Variants in ANPEP observed in about 807,000 individuals in gnomAD.
The protein encoded by ANPEP is aminopeptidase N.
ANPEP carries 70 observed loss-of-function variants against 114.6 expected under a neutral mutation model. The ratio of observed to expected loss-of-function variants is 0.61; its 90% CI spans 0.50 to 0.75. The LOEUF is 0.75. Among genes scored for constraint, ANPEP ranks in the 30% least tolerant of loss-of-function variants. The pLI is 0.00. For missense variants in ANPEP, 1,184 were observed against 1,259.5 expected (o/e 0.94, Z 0.91); for synonymous variants, 548 against 522.3 (o/e 1.05, Z -0.67).
At chr15:89,798,650 G>C (rs374921425) in intron 14 of ANPEP, among the ~76,000 whole-genome samples, 3 of 150,980 alleles carry the variant, frequency 2.0e-5, no homozygotes, top group East Asian at 1.9e-4. Flanking sequence ...AAAAAAAAGC[G>C]GGGGGGCATG....
intron 20 of ANPEP, 124 bp from the exon 21 acceptor site, chr15:89,785,625 T>G: frequency 1.5e-6 from 2 of 1,371,592 alleles, no homozygotes; most frequent in Non-Finnish European, 2.0e-6. Flanking sequence ...CACACCCTGT[T>G]CCAGGGATAG....
intron 1 of ANPEP, among the ~76,000 whole-genome samples, chr15:89,809,900 T>C (rs1025228992): frequency 1.8e-4 from 27 of 152,226 alleles, no homozygotes; most frequent in Non-Finnish European, 5.9e-5. Flanking sequence ...CGGGGCTTTT[T>C]CATACCTCTG....
At position 89,805,425 on chromosome 15, in the gene ANPEP, C is replaced by A; in HGVS notation, c.653G>T (p.Arg218Leu). 5 of 1,614,160 alleles carry A rather than the reference C, an allele frequency of 3.1e-6. No homozygotes were observed. Among genetic ancestry groups the A allele is most frequent in the Non-Finnish European group, 4.2e-6 (5 of 1,180,014 alleles). ...CTCATCGAAGCATGGGAAGGACTTC[C>A]GGGCATCTGCAGCCTGCATCTGTGT... ...ATTQMQAADARKSFPCFDEPA... is the reference protein window; with the variant it reads ...ATTQMQAADALKSFPCFDEPA... Residue 218 changes from arginine to leucine, a missense_variant, in exon 3 of 21, where the codon CGG becomes CTG. By Grantham distance (102) the Arg-to-Leu change is moderately radical. Transcript: ENST00000300060.
At position 89,793,096 on chromosome 15, in the gene ANPEP, A is replaced by G; in HGVS notation, c.2188T>C (p.Phe730Leu). ...NYLKKQVTPL[F>L]IHFRNNTNNW... ...TTGGTATTATTTCTGAAGTGAATGA[A>G]GAGGGGTGTGACCTGCTTCTTCAGG... Residue 730 changes from phenylalanine to leucine, a missense_variant, in exon 16 of 21, where the codon TTC becomes CTC. By Grantham distance (22) the Phe-to-Leu change is conservative. Coordinates refer to ENST00000300060, the MANE Select transcript of ANPEP (RefSeq NM_001150.3). The G allele has an allele frequency of 3.7e-6, 6 of 1,614,118 alleles. No homozygotes were observed. The highest frequency in any genetic ancestry group is 5.1e-6 in the Non-Finnish European group (6 of 1,179,992).
chr15:89,799,425 C>G lies in ANPEP; in HGVS notation c.1953+1G>C. On this transcript the variant is annotated splice_donor_variant, in intron 13 of 20. Coordinates refer to ENST00000300060, the MANE Select transcript of ANPEP (RefSeq NM_001150.3). LOFTEE classifies it high-confidence loss of function. The surrounding 1 kb of genome is among the most constrained non-coding windows in gnomAD (Gnocchi z 4.2). ...CAGGGCGAGGGGTGGCAGACACTCA[C>G]CGAGTGGTCTCTCTGCAGCTGAGTC... The G allele has an allele frequency of 6.2e-7, 1 of 1,614,174 alleles. No homozygotes were observed. Among genetic ancestry groups the G allele is most frequent in the Non-Finnish European group, 8.5e-7 (1 of 1,180,030 alleles).
Position 89,799,552 on chromosome 15 carries a change from G to A in ANPEP, c.1827C>T (p.Asn609=), listed in dbSNP as rs776568673. The change falls in exon 13 of 21, where the codon AAC becomes AAT. Residue 609 remains asparagine (N), a synonymous_variant. Transcript: ENST00000300060. This position sits in a 1 kb window ranked among gnomAD's most constrained non-coding sequence, Gnocchi z 4.2. ...CATTGCCTGATGTGCTGAAGAGATC[G>A]TTCTGGGCTGTGGAGAGGGACGAGA... ...DYWLIDVRAQ[N]DLFSTSGNEW... 31 of 1,614,090 alleles carry A rather than the reference G, an allele frequency of 1.9e-5. No homozygotes were observed. In the African/African-American group the frequency reaches 2.7e-4, roughly 14 times the overall value.
At chr15:89,802,229 C>T (rs761268723) in intron 10 of ANPEP, among the ~76,000 whole-genome samples, 13 of 151,920 alleles carry the variant, frequency 8.6e-5, no homozygotes, top group Admixed American at 2.0e-4. Context: ...GGCTGCCGGC[C>T]GAGGGTCTCA....
intron 15 of ANPEP, among the ~76,000 whole-genome samples, chr15:89,794,172 C>T (rs1200860514): frequency 6.6e-6 from 1 of 152,168 alleles, no homozygotes; most frequent in Non-Finnish European, 1.5e-5. Context: ...AGGGAACTTG[C>T]TGTGACAAGA....
At chr15:89,807,460 G>A (rs1199598446) in intron 1 of ANPEP, among the ~76,000 whole-genome samples, 2 of 152,238 alleles carry the variant, frequency 1.3e-5, no homozygotes, top group South Asian at 2.1e-4. Context: ...TAGCACTTTG[G>A]AAGGCCGAGG....
chr15:89,808,245 C>G (rs1030192231), intron 1 of ANPEP, among the ~76,000 whole-genome samples: 2 of 152,154 alleles, frequency 1.3e-5, no homozygotes, highest in African/African-American at 2.4e-5. Context: ...TTCCCTATTG[C>G]CTTGGTTAAT....
intron 15 of ANPEP, 145 bp downstream of exon 15, chr15:89,797,430 T>G (rs962614794): frequency 6.6e-6 from 8 of 1,211,838 alleles, no homozygotes; most frequent in Non-Finnish European, 5.7e-6. Flanking sequence ...GACAAGGCAA[T>G]CTTTCTTTTT....
rs2141802295 is a variant in ANPEP at position 89,799,709 on chromosome 15, G to A, written c.1820-150C>T. 9.3e-6 allele frequency: 11 copies of A among 1,178,332 alleles called. No individual in the cohort carries two copies. Among genetic ancestry groups the A allele is most frequent in the Non-Finnish European group, 1.3e-5 (11 of 835,728 alleles). The allele number at this position is 1,178,332 out of a possible 1,614,324, so 73.0% of individuals were successfully genotyped here. ...CTAAGGGTGGGGAAGGAAGGGATGA[G>A]GAACTGGGCTGCCAGTGGCTTCACA... On this transcript the variant is annotated intron_variant, in intron 12 of 20. Transcript: ENST00000300060. This position sits in a 1 kb window ranked among gnomAD's most constrained non-coding sequence, Gnocchi z 4.2.
chr15:89,786,623 G>A (rs984008799), intron 20 of ANPEP, among the ~76,000 whole-genome samples: 4 of 151,618 alleles, frequency 2.6e-5, no homozygotes, highest in African/African-American at 9.7e-5. Context: ...AGCCTGGGAA[G>A]TTGAGGCTGC....
At chr15:89,811,542 A>C (rs1894815380) in intron 1 of ANPEP, among the ~76,000 whole-genome samples, 1 of 150,914 alleles carries the variant, frequency 6.6e-6, no homozygotes, top group Admixed American at 6.6e-5. Context: ...ACTACTCGGG[A>C]GGCTGAGGCA....
At chr15:89,792,367 G>A (rs1328102515) in intron 17 of ANPEP, 40 bp from the exon 18 acceptor site, 5 of 1,612,978 alleles carry the variant, frequency 3.1e-6, no homozygotes, top group Admixed American at 1.7e-5. Context: ...AACAGCAGCG[G>A]GGAGGGTGGG....
In ANPEP at chr15:89,805,277, G is replaced by A. The variant is rs1266994791; in HGVS notation, c.757+44C>T. ...CTCCTGCCCCACACCCCAGCCCAGGGTGCCTGCCCCCTGGCCCTGTGGCCG... is the reference window on the plus strand; with the variant it reads ...CTCCTGCCCCACACCCCAGCCCAGGATGCCTGCCCCCTGGCCCTGTGGCCG... On this transcript the variant is annotated intron_variant, in intron 3 of 20. Coordinates refer to ENST00000300060, the MANE Select transcript of ANPEP (RefSeq NM_001150.3). 4.3e-6 allele frequency: 7 copies of A among 1,612,960 alleles called. No homozygotes were observed. In the African/African-American group the frequency reaches 8.0e-5, roughly 18 times the overall value.
chr15:89,803,344 C>T lies in ANPEP; in HGVS notation c.1504-40G>A, dbSNP rs989607472. The T allele has an allele frequency of 1.9e-6, 3 of 1,613,462 alleles. No homozygotes were observed. The highest frequency in any genetic ancestry group is 2.2e-5 in the South Asian group (2 of 91,076). The stretch of plus-strand genomic sequence containing the variant: ...GGCACAGTGAGAGCACAGCTGGAGC[C>T]CCCCAGGCTCCCCCTCTGTGGTGGG... On this transcript the variant is annotated intron_variant, in intron 9 of 20. Coordinates refer to ENST00000300060, the MANE Select transcript of ANPEP (RefSeq NM_001150.3). This position sits in a 1 kb window ranked among gnomAD's most constrained non-coding sequence, Gnocchi z 4.2.
chr15:89,806,105 T>C lies in ANPEP; in HGVS notation c.479A>G (p.Glu160Gly). The C allele has an allele frequency of 6.2e-7, 1 of 1,614,086 alleles. No individual in the cohort carries two copies. The highest frequency in any genetic ancestry group is 8.5e-7 in the Non-Finnish European group (1 of 1,179,988). Residue 160 changes from glutamate (E) to glycine (G), a missense_variant, in exon 2 of 21, where the codon GAG becomes GGG. Coordinates refer to ENST00000300060, the MANE Select transcript of ANPEP (RefSeq NM_001150.3). The surrounding 1 kb of genome is among the most constrained non-coding windows in gnomAD (Gnocchi z 5.7). Reference sequence around the variant, plus strand: ...GCCCTTGAGGTGCACCACCAGGTACTCGGTGGGCTCCACCAGCTCAGTCTT... The same window carrying C: ...GCCCTTGAGGTGCACCACCAGGTACCCGGTGGGCTCCACCAGCTCAGTCTT... ...IDKTELVEPT[E>G]YLVVHLKGSL...
intron 20 of ANPEP, among the ~76,000 whole-genome samples, chr15:89,787,331 C>A (rs897502731): frequency 6.6e-6 from 1 of 152,192 alleles, no homozygotes; most frequent in South Asian, 2.1e-4. Context: ...AGGCGTGAGC[C>A]GCCATGCCTG....
Sources: allele counts gnomAD v4.1 joint callset (sites outside exome capture counted in the v4.1 genomes callset), GRCh38; gene constraint gnomAD v4.1.1; non-coding constraint Gnocchi (gnomAD v3.1); transcripts MANE v1.5; gene names NCBI Gene and HGNC (gene_info 2026-07-23, HGNC 2026-07-21).